CELF3: variants seen among roughly 807,000 people sequenced by gnomAD.
The protein encoded by CELF3 is CAG repeat domain.
A neutral mutation model predicts 59.6 loss-of-function variants in CELF3; 26 were observed. That is an observed-to-expected ratio of 0.44 (90% CI 0.32 to 0.61). CELF3 has a LOEUF of 0.61. Among genes scored for constraint, CELF3 ranks in the 20% least tolerant of loss-of-function variants. The probability of loss-of-function intolerance (pLI) is 0.06; values close to 1 mark genes in which losing one functional copy is unlikely to be tolerated. For synonymous variants in CELF3, 245 were observed against 250.7 expected, an observed-to-expected ratio of 0.98 and a Z score of 0.22; for missense variants, 387 against 627.2, an observed-to-expected ratio of 0.62 and a Z score of 4.09.
chr1:151,713,934 T>C (rs1376653919), intron 2 of CELF3, among the ~76,000 whole-genome samples: 1 of 152,188 alleles, frequency 6.6e-6, no homozygotes, highest in Non-Finnish European at 1.5e-5. Flanking sequence ...AGGCCACCCC[T>C]GCCTCCCTGG....
Position 151,707,491 on chromosome 1 carries a change from C to G in CELF3, c.772+16G>C, listed in dbSNP as rs1468232670. 2 of 1,610,066 alleles carry G rather than the reference C, an allele frequency of 1.2e-6. No individual in the cohort carries two copies. The highest frequency in any genetic ancestry group is 1.3e-5 in the African/African-American group (1 of 74,918). On this transcript the variant is annotated intron_variant, in intron 7 of 12. Coordinates refer to ENST00000290583, the MANE Select transcript of CELF3 (RefSeq NM_007185.7). ...ACCATGCTTAGCTCCCTTGCCCGGC[C>G]TTGCCCAGGCCATACCTGAGGATGG...
At chr1:151,707,450 G>A in intron 7 of CELF3, 57 bp downstream of exon 7, 1 of 1,596,044 alleles carries the variant, frequency 6.3e-7, no homozygotes, top group South Asian at 1.1e-5. Flanking sequence ...AATGCCCTGT[G>A]CCCCTCCCTA....
chr1:151,703,452 T>G lies in CELF3; in HGVS notation c.*11-4A>C. On this transcript the variant is annotated splice_polypyrimidine_tract_variant and splice_region_variant and intron_variant, in intron 12 of 12. Coordinates refer to ENST00000290583, the MANE Select transcript of CELF3 (RefSeq NM_007185.7). ...CCTTCCTCTGGGATCTCCAGACCTG[T>G]GAAGGAAGAAACATGGGTGAAGCAT... 3 of 328,410 alleles carry G rather than the reference T, an allele frequency of 9.1e-6. No individual in the cohort carries two copies. Among genetic ancestry groups the G allele is most frequent in the Non-Finnish European group, 1.8e-5 (3 of 163,956 alleles). 20.3% of individuals were successfully genotyped at this position (328,410 alleles called of 1,614,324 possible).
chr1:151,710,025 T>A, intron 2 of CELF3: 1 of 557,316 alleles, frequency 1.8e-6, no homozygotes, highest in Non-Finnish European at 3.2e-6. Flanking sequence ...AGGCTCAGGT[T>A]GGGCTCCTGA....
chr1:151,707,405 CT>C (rs1173276073), intron 7 of CELF3, 101 bp downstream of exon 7: 5 of 1,550,072 alleles, frequency 3.2e-6, no homozygotes, highest in Non-Finnish European at 3.5e-6. Context: ...TCTCTGACCC[CT>C]GAGTCCCTCC....
At chr1:151,713,859 T>A (rs1028246856) in intron 2 of CELF3, among the ~76,000 whole-genome samples, 1 of 152,190 alleles carries the variant, frequency 6.6e-6, no homozygotes, top group Non-Finnish European at 1.5e-5. Context: ...CTTGGGACAA[T>A]CAGCAAGGCT....
intron 1 of CELF3, among the ~76,000 whole-genome samples, chr1:151,715,175 C>T (rs953646484): frequency 1.3e-5 from 2 of 152,116 alleles, no homozygotes; most frequent in Non-Finnish European, 2.9e-5. Context: ...AGTGCCTCTT[C>T]CCTGTGCCAG....
Position 151,716,676 on chromosome 1 carries a change from TCCCACC to T in CELF3, c.-662_-657del. The T allele has an allele frequency of 2.3e-5, 1 of 43,982 alleles. No individual in the cohort carries two copies. The highest frequency in any genetic ancestry group is 5.0e-5 in the Non-Finnish European group (1 of 19,876). 2.7% of individuals were successfully genotyped at this position (43,982 alleles called of 1,614,324 possible). ...CTTCAGGTCCTCCCCTCAGCCCCCC[TCCCACC>T]CCCACCCCAGTCCCCGGGCCTGGGC... On this transcript the variant is annotated 5_prime_UTR_variant, in exon 1 of 13. Transcript: ENST00000290583.
chr1:151,706,127 C>T (rs2102770607), intron 10 of CELF3, 97 bp downstream of exon 10: 6 of 1,604,728 alleles, frequency 3.7e-6, no homozygotes, highest in Middle Eastern at 2.2e-4. Flanking sequence ...TGCTTTCATC[C>T]TGACACGTGG....
chr1:151,716,772 GCT>G lies in CELF3; in HGVS notation c.-754_-753del. 1 of 464,110 alleles carries G rather than the reference GCT, an allele frequency of 2.2e-6. No homozygotes were observed. The highest frequency in any genetic ancestry group is 4.4e-6 in the Non-Finnish European group (1 of 225,944). 28.7% of individuals were successfully genotyped at this position (464,110 alleles called of 1,614,324 possible). A position where few individuals can be genotyped will look rare whatever the true frequency, so the allele number is the denominator to read the frequency against. ...CCGGTCACCTGGGTCCCGGAGCTCTGCTCTCCGGCCGCGCTCTCCTCAACAAA... is the reference window on the plus strand; with the variant it reads ...CCGGTCACCTGGGTCCCGGAGCTCTGCTCCGGCCGCGCTCTCCTCAACAAA... On this transcript the variant is annotated 5_prime_UTR_variant, in exon 1 of 13. Transcript: ENST00000290583.
At chr1:151,706,191 G>A (rs1406777523) in intron 10 of CELF3, 33 bp downstream of exon 10, 2 of 1,611,626 alleles carry the variant, frequency 1.2e-6, no homozygotes, top group Admixed American at 3.3e-5. Context: ...CCATAACGAG[G>A]GCATTCCTGT....
intron 2 of CELF3, among the ~76,000 whole-genome samples, chr1:151,712,537 G>T (rs1378741837): frequency 2.0e-5 from 3 of 152,204 alleles, no homozygotes; most frequent in Non-Finnish European, 4.4e-5. Context: ...GGTTCAGGGT[G>T]AAGGGGGAAG....
intron 12 of CELF3, 73 bp downstream of exon 12, chr1:151,704,958 G>T (rs1033837341): frequency 3.3e-6 from 5 of 1,497,276 alleles, no homozygotes; most frequent in African/African-American, 1.4e-5. Flanking sequence ...GGGGTTGGGG[G>T]TGTAGTCCAA....
intron 2 of CELF3, among the ~76,000 whole-genome samples, chr1:151,712,786 A>C (rs73001920): frequency 0.1 from 15,909 of 152,240 alleles, 867 homozygotes; most frequent in South Asian, 0.13. Flanking sequence ...ATGGGGAGCA[A>C]GGAGAGGGGG....
chr1:151,707,391 G>A (rs1245413125), intron 7 of CELF3, 97 bp from the exon 8 acceptor site: 4 of 1,533,600 alleles, frequency 2.6e-6, no homozygotes, highest in Non-Finnish European at 3.5e-6. Flanking sequence ...GGAGGAAGCA[G>A]GCCTCTCTGA....
At position 151,709,647 on chromosome 1, in the gene CELF3, G is replaced by A; in HGVS notation, c.277+96C>T. ...AGCTGGGAACTCTTCAGAATCATCA[G>A]GCTTTCTCCCTCAAGAAAGGCTACC... On this transcript the variant is annotated intron_variant, in intron 3 of 12. Transcript: ENST00000290583. The surrounding 1 kb of genome is among the most constrained non-coding windows in gnomAD (Gnocchi z 4.9). The A allele has an allele frequency of 1.6e-6, 2 of 1,263,704 alleles. No individual in the cohort carries two copies. The highest frequency in any genetic ancestry group is 1.2e-5 in the South Asian group (1 of 83,898). 78.3% of individuals were successfully genotyped at this position (1,263,704 alleles called of 1,614,324 possible).
chr1:151,705,113 A>G lies in CELF3; in HGVS notation c.1326T>C (p.Asn442=). 2 of 1,614,030 alleles carry G rather than the reference A, an allele frequency of 1.2e-6. No homozygotes were observed. The highest frequency in any genetic ancestry group is 1.7e-6 in the Non-Finnish European group (2 of 1,179,904). Residue 442 remains asparagine, a synonymous_variant, in exon 12 of 13, where the codon AAT becomes AAC. Transcript: ENST00000290583. The surrounding 1 kb of genome is among the most constrained non-coding windows in gnomAD (Gnocchi z 5.1). ...ASAQAAIQAM[N]GFQIGMKRLK... is the part of the protein sequence containing the mutation. ...GGCGCTTCATGCCGATCTGGAAGCC[A>G]TTCATGGCCTGGATGGCAGCCTGGG...
chr1:151,714,116 G>T (rs759682221), intron 2 of CELF3, among the ~76,000 whole-genome samples: 2 of 152,058 alleles, frequency 1.3e-5, no homozygotes, highest in East Asian at 3.9e-4. Flanking sequence ...GAAGGGAGAT[G>T]AGAGCTCAAG....
Position 151,707,776 on chromosome 1 carries a change from CA to C in CELF3, c.630+15del. 1.2e-6 allele frequency: 2 copies of C among 1,608,906 alleles called. No individual in the cohort carries two copies. Among genetic ancestry groups the C allele is most frequent in the Non-Finnish European group, 1.7e-6 (2 of 1,175,980 alleles). ...GGGGTCAGGAGGGCTGGCCCGGCAT[CA>C]GGGGCAGTGCTCACGGCCTGGGTGT... On this transcript the variant is annotated intron_variant, in intron 6 of 12. Coordinates refer to ENST00000290583, the MANE Select transcript of CELF3 (RefSeq NM_007185.7).
Sources: gnomAD v4.1 joint callset for allele counts (sites outside exome capture counted in the v4.1 genomes callset) on GRCh38, gnomAD v4.1.1 for gene constraint, Gnocchi (gnomAD v3.1) non-coding constraint, MANE v1.5 for transcripts, NCBI Gene and HGNC (gene_info 2026-07-23, HGNC 2026-07-21) for gene names.